The following CD82 variants were observed in gnomAD, a reference collection of about 807,000 sequenced individuals.
CD82 encodes CD82 molecule, also known as CD82 antigen.
A neutral mutation model predicts 37.4 loss-of-function variants in CD82; 36 were observed. The ratio of observed to expected loss-of-function variants is 0.96; its 90% CI spans 0.74 to 1.27. The LOEUF (loss-of-function observed/expected upper bound fraction) is 1.27. CD82 is among the 50% of genes most tolerant of loss of function. The pLI, the probability that CD82 is intolerant of heterozygous loss-of-function variation, is 0.00. For missense variants in CD82, 340 were observed against 347.0 expected, an observed-to-expected ratio of 0.98 and a Z score of 0.16; for synonymous variants, 158 against 137.4, an observed-to-expected ratio of 1.15 and a Z score of -1.05.
At chr11:44,592,647 G>A (rs1031525675) in intron 2 of CD82, among the ~76,000 whole-genome samples, 1 of 152,190 alleles carries the variant, frequency 6.6e-6, no homozygotes. Flanking sequence ...AGACTCCCAG[G>A]AGGCCTTCCT....
intron 1 of CD82, among the ~76,000 whole-genome samples, chr11:44,577,020 C>T (rs577910023): frequency 1.3e-5 from 2 of 152,180 alleles, no homozygotes; most frequent in South Asian, 4.2e-4. Flanking sequence ...GAGCTCTTAG[C>T]TGGGCTGGTG....
intron 1 of CD82, chr11:44,566,056 T>TGGCAGGTGAGAGCA (rs1590320950): frequency 6.6e-6 from 1 of 152,234 alleles, no homozygotes; most frequent in African/African-American, 2.4e-5. Context: ...AGGTGAGAGC[T>TGGCAGGTGAGAGCA]GGCAGGTGAG....
intron 6 of CD82, among the ~76,000 whole-genome samples, chr11:44,607,533 C>T (rs534658320): frequency 2.3e-4 from 35 of 152,320 alleles, no homozygotes; most frequent in African/African-American, 7.9e-4. Flanking sequence ...AGCTGGTCGC[C>T]TCTGCAGGGA....
At chr11:44,590,066 C>T (rs946130992) in intron 2 of CD82, among the ~76,000 whole-genome samples, 1 of 151,606 alleles carries the variant, frequency 6.6e-6, no homozygotes, top group Non-Finnish European at 1.5e-5. Context: ...ATCTCCTCAC[C>T]TCGTGATCTG....
chr11:44,588,240 T>TC (rs1333674218), intron 2 of CD82, among the ~76,000 whole-genome samples: 3 of 151,090 alleles, frequency 2.0e-5, no homozygotes, highest in Non-Finnish European at 4.4e-5. Context: ...TTTTGTTTTT[T>TC]TTAGGTGGAG....
At chr11:44,615,413 G>A (rs1472325890) in intron 7 of CD82, 40 bp downstream of exon 7, 1 of 1,277,844 alleles carries the variant, frequency 7.8e-7, no homozygotes, top group Admixed American at 1.7e-5. Flanking sequence ...TCTGGCCTGG[G>A]TGTCCCTGCA....
At chr11:44,564,437 A>G (rs892081044), upstream of CD82, 10 of 456,072 alleles carry the variant, frequency 2.2e-5, no homozygotes, top group Admixed American at 4.7e-5. Flanking sequence ...GTGAGAGGAC[A>G]TTGTGATAAT....
intron 6 of CD82, among the ~76,000 whole-genome samples, chr11:44,607,494 C>T (rs1853414640): frequency 6.6e-6 from 1 of 152,136 alleles, no homozygotes; most frequent in South Asian, 2.1e-4. Flanking sequence ...TAGAACCAGG[C>T]CCCAGTGAGC....
upstream of CD82, chr11:44,565,651 G>A (rs1852721708): frequency 6.6e-6 from 1 of 151,078 alleles, no homozygotes; most frequent in Non-Finnish European, 1.5e-5. Context: ...GAGTGACTGA[G>A]CCCCGGGCTG....
At chr11:44,586,253 A>G (rs930395767) in intron 1 of CD82, among the ~76,000 whole-genome samples, 4 of 147,752 alleles carry the variant, frequency 2.7e-5, no homozygotes, top group Non-Finnish European at 4.5e-5. Context: ...TGTGCAGCCA[A>G]GGCTGGGGAC....
intron 4 of CD82, among the ~76,000 whole-genome samples, chr11:44,604,037 A>G (rs1170189355): frequency 1.3e-5 from 2 of 152,094 alleles, no homozygotes; most frequent in Non-Finnish European, 2.9e-5. Context: ...TCTTGGCTCA[A>G]ATGTCACTGG....
chr11:44,618,810 CAAGGG>C, intron 9 of CD82, 87 bp downstream of exon 9: 8 of 1,183,118 alleles, frequency 6.8e-6, no homozygotes, highest in Non-Finnish European at 9.7e-6. Flanking sequence ...AGGTGGTGGC[CAAGGG>C]GGCCAGCACC....
intron 2 of CD82, among the ~76,000 whole-genome samples, chr11:44,592,338 G>A (rs974812857): frequency 6.6e-6 from 1 of 152,350 alleles, no homozygotes; most frequent in South Asian, 2.1e-4. Flanking sequence ...GTTTGTTGGC[G>A]GACTGCAGTT....
chr11:44,566,844 G>A (rs1358778297), intron 1 of CD82, among the ~76,000 whole-genome samples: 1 of 151,900 alleles, frequency 6.6e-6, no homozygotes, highest in Non-Finnish European at 1.5e-5. Context: ...TCCTGACCTT[G>A]TGAAAGCCAG....
intron 4 of CD82, among the ~76,000 whole-genome samples, chr11:44,604,050 C>T (rs1467769234): frequency 3.3e-5 from 5 of 152,192 alleles, no homozygotes; most frequent in African/African-American, 1.2e-4. Context: ...GTCACTGGCT[C>T]AGGCTGGCCT....
chr11:44,600,754 T>A (rs1181274356), intron 4 of CD82, among the ~76,000 whole-genome samples: 1 of 152,168 alleles, frequency 6.6e-6, no homozygotes, highest in East Asian at 1.9e-4. Flanking sequence ...TGCCAGGCAG[T>A]TTGCACCGAT....
intron 6 of CD82, among the ~76,000 whole-genome samples, chr11:44,612,029 G>A (rs755843663): frequency 1.6e-4 from 24 of 152,186 alleles, no homozygotes; most frequent in Admixed American, 2.0e-4. Flanking sequence ...GCAGCTTTCC[G>A]CACAGATGCT....
At chr11:44,582,161 C>T (rs1852989122) in intron 1 of CD82, among the ~76,000 whole-genome samples, 1 of 142,792 alleles carries the variant, frequency 7.0e-6, no homozygotes, top group African/African-American at 2.6e-5. Context: ...AGTGCCGCCA[C>T]CCTCCTGAAT....
At chr11:44,585,379 T>A (rs933879928) in intron 1 of CD82, 1 of 452,504 alleles carries the variant, frequency 2.2e-6, no homozygotes, top group Non-Finnish European at 4.5e-6. Flanking sequence ...CATTATTAAG[T>A]TCATTTTACA....
Sources: allele counts gnomAD v4.1 joint callset (sites outside exome capture counted in the v4.1 genomes callset), GRCh38; gene constraint gnomAD v4.1.1; transcripts MANE v1.5; gene names NCBI Gene and HGNC (gene_info 2026-07-23, HGNC 2026-07-21).